Variants in CACNB2 observed in about 807,000 individuals in gnomAD.
CACNB2 encodes calcium voltage-gated channel auxiliary subunit beta 2.
Under a neutral mutation model 73.3 loss-of-function variants are expected in CACNB2, and 42 were observed. That is an observed-to-expected ratio of 0.57 (90% CI 0.45 to 0.74). The LOEUF (loss-of-function observed/expected upper bound fraction) is 0.74, where lower values mean the gene tolerates loss of function less well. Ranked by LOEUF, CACNB2 falls within the 30% of genes least tolerant of loss-of-function variation. The pLI is 0.00. For missense variants in CACNB2, 940 were observed against 853.0 expected (o/e 1.10, Z -1.27); for synonymous variants, 348 against 310.3 (o/e 1.12, Z -1.28).
At chr10:18,397,336 A>G (rs35241357) in intron 2 of CACNB2, among the ~76,000 whole-genome samples, 46,867 of 151,970 alleles carry the variant, frequency 0.31, 7,702 homozygotes, top group East Asian at 0.59. Flanking sequence ...CTGGTGGCGC[A>G]TGCCTGTAAT....
chr10:18,148,345 T>G (rs1293337221), intron 1 of CACNB2, among the ~76,000 whole-genome samples: 1 of 152,240 alleles, frequency 6.6e-6, no homozygotes, highest in East Asian at 1.9e-4. Context: ...GTGCTATAGT[T>G]GTTTGGTGTA....
chr10:18,480,156 A>G (rs954701255), intron 3 of CACNB2, among the ~76,000 whole-genome samples: 1 of 152,132 alleles, frequency 6.6e-6, no homozygotes, highest in Non-Finnish European at 1.5e-5. Context: ...CCTCAAATAT[A>G]TGTTCATTTT....
chr10:18,316,580 C>G (rs1357934195), intron 2 of CACNB2, among the ~76,000 whole-genome samples: 2 of 151,962 alleles, frequency 1.3e-5, no homozygotes, highest in African/African-American at 2.4e-5. Flanking sequence ...CTTCCCACCT[C>G]AGCTTCCTGA....
intron 2 of CACNB2, among the ~76,000 whole-genome samples, chr10:18,250,036 A>G (rs560098150): frequency 2.5e-4 from 38 of 152,278 alleles, no homozygotes; most frequent in Admixed American, 1.4e-3. Flanking sequence ...ACATCAATCT[A>G]TAGGTCAATT....
intron 3 of CACNB2, among the ~76,000 whole-genome samples, chr10:18,449,013 C>A (rs2046878736): frequency 6.6e-6 from 1 of 152,100 alleles, no homozygotes; most frequent in African/African-American, 2.4e-5. Context: ...AACAAATGGA[C>A]CTTATGAAGA....
intron 2 of CACNB2, among the ~76,000 whole-genome samples, chr10:18,192,001 AG>A (rs1482425821): frequency 6.6e-6 from 1 of 151,902 alleles, no homozygotes; most frequent in East Asian, 1.9e-4. Context: ...AGTGGTAAAA[AG>A]GACTAAAGTG....
chr10:18,337,602 A>T (rs983178475), intron 2 of CACNB2, among the ~76,000 whole-genome samples: 3 of 152,186 alleles, frequency 2.0e-5, no homozygotes, highest in East Asian at 3.8e-4. Flanking sequence ...ATGACCAATG[A>T]TGTAGGTGTG....
chr10:18,391,108 C>T (rs1367651042), intron 2 of CACNB2, among the ~76,000 whole-genome samples: 1 of 152,118 alleles, frequency 6.6e-6, no homozygotes, highest in Non-Finnish European at 1.5e-5. Flanking sequence ...TTTGGAGTGG[C>T]TTGCTTGTTA....
intron 2 of CACNB2, among the ~76,000 whole-genome samples, chr10:18,367,572 T>G (rs977891434): frequency 6.6e-6 from 1 of 152,174 alleles, no homozygotes; most frequent in Non-Finnish European, 1.5e-5. Flanking sequence ...TAAGAAATGT[T>G]TCTCTTAAAT....
intron 2 of CACNB2, among the ~76,000 whole-genome samples, chr10:18,309,608 C>T (rs1256573875): frequency 1.3e-5 from 2 of 152,156 alleles, no homozygotes; most frequent in African/African-American, 4.8e-5. Context: ...CAGTCCCGCG[C>T]CACCATGCCC....
chr10:18,527,875 T>C (rs966273058), intron 10 of CACNB2, among the ~76,000 whole-genome samples, 178 bp downstream of exon 10: 1 of 152,246 alleles, frequency 6.6e-6, no homozygotes, highest in African/African-American at 2.4e-5. Flanking sequence ...TTTGTTATGA[T>C]AGTTTCAAGT....
At chr10:18,220,102 T>A (rs1339473379) in intron 2 of CACNB2, among the ~76,000 whole-genome samples, 1 of 97,642 alleles carries the variant, frequency 1.0e-5, no homozygotes, top group African/African-American at 3.9e-5. Flanking sequence ...CTCCTTTTTT[T>A]ATTTTTTAAT....
rs560429539 is a variant in CACNB2, at chr10:18,540,149, C to T, written c.*425C>T. ...TACGCAGGCATCTGATTTGCATATT[C>T]ATTCATGGACCACTGTTTCTTGCTT... On this transcript the variant is annotated 3_prime_UTR_variant, in exon 14 of 14. Transcript: ENST00000324631. 2.0e-5 allele frequency: 4 copies of T among 199,826 alleles called. No homozygotes were observed. In the Admixed American group the frequency reaches 2.1e-4, roughly 11 times the overall value. 12.4% of individuals were successfully genotyped at this position (199,826 alleles called of 1,614,324 possible).
intron 2 of CACNB2, among the ~76,000 whole-genome samples, chr10:18,318,537 T>C (rs1044700490): frequency 4.6e-5 from 7 of 150,774 alleles, no homozygotes; most frequent in African/African-American, 1.7e-4. Flanking sequence ...AGAAAACCTA[T>C]GTATGGGCAA....
At chr10:18,182,084 C>G (rs559590165) in intron 2 of CACNB2, 3 of 152,332 alleles carry the variant, frequency 2.0e-5, no homozygotes, top group African/African-American at 7.2e-5. Flanking sequence ...GAGGACCTTC[C>G]TGGGTCACTG....
intron 2 of CACNB2, among the ~76,000 whole-genome samples, chr10:18,275,919 T>TA (rs2038266190): frequency 6.6e-6 from 1 of 152,222 alleles, no homozygotes; most frequent in Non-Finnish European, 1.5e-5. Context: ...ATTTCTCTGG[T>TA]TTCAAAATAC....
chr10:18,542,873 T>C lies in CACNB2; in HGVS notation c.*3149T>C, dbSNP rs990166523. 4.6e-5 allele frequency: 6 copies of C among 131,424 alleles called. No individual in the cohort carries two copies. Among genetic ancestry groups the C allele is most frequent in the Non-Finnish European group, 9.4e-5 (6 of 63,994 alleles). The allele number at this position is 131,424 out of a possible 1,614,324, so 8.1% of individuals were successfully genotyped here. A position where few individuals can be genotyped will look rare whatever the true frequency, so the allele number is the denominator to read the frequency against. On this transcript the variant is annotated 3_prime_UTR_variant, in exon 14 of 14. Transcript: ENST00000324631. ...CAACCTAGAAAATGCTGGAAATGTA[T>C]TTAATAGTTTTTTTTTTTTTTTTTT...
chr10:18,460,620 C>G (rs577395661), intron 3 of CACNB2, among the ~76,000 whole-genome samples: 2 of 152,032 alleles, frequency 1.3e-5, no homozygotes, highest in Non-Finnish European at 2.9e-5. Flanking sequence ...GTTGGGCATG[C>G]TGGCTCACAC....
At position 18,316,522 on chromosome 10, in the gene CACNB2, G is replaced by A. The variant is rs545652899; in HGVS notation, c.214-85402G>A. On this transcript the variant is annotated intron_variant, in intron 2 of 13. Transcript: ENST00000324631. ...ACTGTCACCCAGGCTAGACTGCAGT[G>A]GTGTGGCCATAGCTCATTACAGCCT... Among the ~76,000 whole-genome samples the A allele has an allele frequency of 4.6e-5, 7 of 151,022 alleles. No individual in the cohort carries two copies. The East Asian group carries it at 1.4e-3, about 29-fold the overall frequency.
Sources: allele counts gnomAD v4.1 joint callset (sites outside exome capture counted in the v4.1 genomes callset), GRCh38; gene constraint gnomAD v4.1.1; transcripts MANE v1.5; gene names NCBI Gene and HGNC (gene_info 2026-07-23, HGNC 2026-07-21).